Variants in SERPINF1 observed in about 807,000 individuals in gnomAD.
SERPINF1 encodes the protein pigment epithelium-derived factor.
SERPINF1 carries 29 observed loss-of-function variants against 37.3 expected under a neutral mutation model. That is an observed-to-expected ratio of 0.78 (90% CI 0.58 to 1.06). The LOEUF is 1.06. Among genes scored for constraint, SERPINF1 ranks in the 50% least tolerant of loss-of-function variants. The probability of loss-of-function intolerance (pLI) is 0.00; values close to 1 mark genes in which losing one functional copy is unlikely to be tolerated. For missense variants in SERPINF1, 553 were observed against 532.2 expected, an observed-to-expected ratio of 1.04 and a Z score of -0.38; for synonymous variants, 281 against 227.9, an observed-to-expected ratio of 1.23 and a Z score of -2.10.
At position 1,767,005 on chromosome 17, in the gene SERPINF1, A is replaced by G. The variant is rs746346079; in HGVS notation, c.84+11A>G. ...AGCCCCCCGGAGGAGGTCAGTAGGC[A>G]GGCGGGGAGGGCGTGGTCAGCATTC... On this transcript the variant is annotated intron_variant, in intron 2 of 7. Transcript: ENST00000254722. 6.5e-7 allele frequency: 1 copy of G among 1,549,386 alleles called. No individual in the cohort carries two copies. Among genetic ancestry groups the G allele is most frequent in the South Asian group, 1.2e-5 (1 of 83,946 alleles).
Position 1,776,579 on chromosome 17 carries a change from G to GC in SERPINF1, c.838dup (p.Leu280ProfsTer21). 1 of 1,613,924 alleles carries GC rather than the reference G, an allele frequency of 6.2e-7. No homozygotes were observed. The highest frequency in any genetic ancestry group is 2.2e-5 in the East Asian group (1 of 44,848). ...GAAGCATGAGTATCATCTTCTTCCTGCCCCTGAAAGTGACCCAGAATTTGA... is the reference window on the plus strand; with the variant it reads ...GAAGCATGAGTATCATCTTCTTCCTGCCCCCTGAAAGTGACCCAGAATTTGA... On this transcript the variant is annotated frameshift_variant, in exon 7 of 8. Coordinates refer to ENST00000254722, the MANE Select transcript of SERPINF1 (RefSeq NM_002615.7). LOFTEE classifies it high-confidence loss of function.
chr17:1,772,614 A>T (rs1392291202), intron 5 of SERPINF1, among the ~76,000 whole-genome samples: 1 of 148,952 alleles, frequency 6.7e-6, no homozygotes, highest in Non-Finnish European at 1.5e-5. Flanking sequence ...GCTGGAGTGC[A>T]GTGGCGCGAT....
intron 1 of SERPINF1, among the ~76,000 whole-genome samples, chr17:1,763,944 C>A (rs1907226830): frequency 6.6e-6 from 1 of 152,272 alleles, no homozygotes; most frequent in Admixed American, 6.5e-5. Flanking sequence ...ACTCCTGGCA[C>A]TTTGGGATGC....
intron 6 of SERPINF1, 102 bp downstream of exon 6, chr17:1,775,302 T>C: frequency 8.2e-7 from 1 of 1,220,306 alleles, no homozygotes; most frequent in Admixed American, 2.1e-5. Context: ...CCGACAGCTG[T>C]CTACATGTCG....
intron 1 of SERPINF1, among the ~76,000 whole-genome samples, chr17:1,764,297 C>T (rs911899320): frequency 9.2e-5 from 14 of 152,256 alleles, no homozygotes; most frequent in African/African-American, 3.4e-4. Flanking sequence ...GTGTACCTCA[C>T]TGAATTTTTG....
chr17:1,764,602 A>G (rs1480644565), intron 1 of SERPINF1, among the ~76,000 whole-genome samples: 1 of 152,258 alleles, frequency 6.6e-6, no homozygotes. Context: ...GAGTAAACTC[A>G]AAGGCAATCT....
intron 6 of SERPINF1, among the ~76,000 whole-genome samples, chr17:1,775,732 C>A (rs1356405788): frequency 1.3e-5 from 2 of 152,132 alleles, no homozygotes; most frequent in Non-Finnish European, 2.9e-5. Flanking sequence ...CGGGGTTTCT[C>A]CATGTTGGTC....
intron 6 of SERPINF1, 68 bp downstream of exon 6, chr17:1,775,268 T>G (rs941976752): frequency 6.6e-7 from 1 of 1,525,468 alleles, no homozygotes; most frequent in Non-Finnish European, 9.0e-7. Flanking sequence ...AACAGGGTAG[T>G]GGGAATAAAA....
intron 2 of SERPINF1, among the ~76,000 whole-genome samples, chr17:1,769,267 G>A (rs1907571949): frequency 6.6e-6 from 1 of 152,036 alleles, no homozygotes; most frequent in African/African-American, 2.4e-5. Context: ...AAATTACCCA[G>A]GCATGGTGGT....
At chr17:1,766,447 T>G (rs142938734) in intron 1 of SERPINF1, 1 of 152,056 alleles carries the variant, frequency 6.6e-6, no homozygotes. Flanking sequence ...TTCCAGCTAC[T>G]TGGGAGGCTG....
At chr17:1,767,069 G>T in intron 2 of SERPINF1, 75 bp downstream of exon 2, 1 of 1,335,964 alleles carries the variant, frequency 7.5e-7, no homozygotes, top group Non-Finnish European at 1.0e-6. Flanking sequence ...AAACAGGACA[G>T]GGAACCCGGA....
chr17:1,775,189 C>A lies in SERPINF1; in HGVS notation c.775C>A (p.Leu259Ile), dbSNP rs1907954902. Residue 259 changes from leucine to isoleucine, a missense_variant, in exon 6 of 8, where the codon CTC (leucine) becomes ATC (isoleucine). Coordinates refer to ENST00000254722, the MANE Select transcript of SERPINF1 (RefSeq NM_002615.7). ...AVLRYGLDSD[L>I]SCKIAQLPLT... ...TTTACGCTATGGCTTGGATTCAGATCTCAGCTGCAAGGTCTGTAGGGATAG... is the reference window on the plus strand; with the variant it reads ...TTTACGCTATGGCTTGGATTCAGATATCAGCTGCAAGGTCTGTAGGGATAG... The A allele has an allele frequency of 2.5e-6, 4 of 1,613,076 alleles. No individual in the cohort carries two copies. In the South Asian group the frequency reaches 4.4e-5, roughly 18 times the overall value.
chr17:1,771,921 G>T lies in SERPINF1; in HGVS notation c.489G>T (p.Gly163=). The stretch of plus-strand genomic sequence containing the variant: ...TGGCACCTCTGGAAAAGTCATATGG[G>T]ACCAGGCCCAGAGTCCTGACGGGCA... The part of the protein sequence containing the change: ...SFVAPLEKSY[G]TRPRVLTGNP... Residue 163 remains glycine (G), a synonymous_variant, in exon 5 of 8, where the codon GGG becomes GGT. Coordinates refer to ENST00000254722, the MANE Select transcript of SERPINF1 (RefSeq NM_002615.7). 6.2e-7 allele frequency: 1 copy of T among 1,613,960 alleles called. No homozygotes were observed. Among genetic ancestry groups the T allele is most frequent in the Non-Finnish European group, 8.5e-7 (1 of 1,180,024 alleles).
rs1907692236 is a variant in SERPINF1 at position 1,771,052 on chromosome 17, A to C, written c.307A>C (p.Ile103Leu). 1 of 1,613,956 alleles carries C rather than the reference A, an allele frequency of 6.2e-7. No homozygotes were observed. Among genetic ancestry groups the C allele is most frequent in the African/African-American group, 1.3e-5 (1 of 74,916 alleles). The change falls in exon 4 of 8, where the codon ATC becomes CTC. Residue 103 changes from isoleucine to leucine, a missense_variant. Transcript: ENST00000254722. ...SLGAEQRTESIIHRALYYDLI... is the reference protein window; with the variant it reads ...SLGAEQRTESLIHRALYYDLI... ...AGGAGCGGAGCAGCGAACAGAATCC[A>C]TCATTCACCGGGCTCTCTACTATGA...
At chr17:1,765,370 C>T (rs994830903) in intron 1 of SERPINF1, among the ~76,000 whole-genome samples, 3 of 151,792 alleles carry the variant, frequency 2.0e-5, no homozygotes, top group Non-Finnish European at 2.9e-5. Flanking sequence ...GTTGCCCAGG[C>T]TGGAGTGCAG....
In SERPINF1 at chr17:1,767,102, G is replaced by A. The variant is rs1907435057; in HGVS notation, c.84+108G>A. 6.4e-6 allele frequency: 6 copies of A among 941,884 alleles called. No homozygotes were observed. In the South Asian group the frequency reaches 9.9e-5, roughly 16 times the overall value. The allele number at this position is 941,884 out of a possible 1,614,324, so 58.3% of individuals were successfully genotyped here. A position where few individuals can be genotyped will look rare whatever the true frequency, so the allele number is the denominator to read the frequency against. On this transcript the variant is annotated intron_variant, in intron 2 of 7. Coordinates refer to ENST00000254722, the MANE Select transcript of SERPINF1 (RefSeq NM_002615.7). Reference sequence around the variant, plus strand: ...GGACCCAGGTTCCAGGCCAGGCTTGGGCCTTTATTTCTCTAGGGCTGGAGT... The same window carrying A: ...GGACCCAGGTTCCAGGCCAGGCTTGAGCCTTTATTTCTCTAGGGCTGGAGT...
At chr17:1,768,944 T>G (rs1907553447) in intron 2 of SERPINF1, among the ~76,000 whole-genome samples, 1 of 151,934 alleles carries the variant, frequency 6.6e-6, no homozygotes. Context: ...TAGCTGGGAT[T>G]ACAGGCATGC....
At position 1,777,204 on chromosome 17, in the gene SERPINF1, G is replaced by GATTC; in HGVS notation, c.1017_1020dup (p.Pro341PhefsTer5). 6.2e-7 allele frequency: 1 copy of GATTC among 1,614,096 alleles called. No homozygotes were observed. ...CTCTACAGAGCTGCAATCCTTGTTT[G>GATTC]ATTCACCAGACTTTAGCAAGATCAC... On this transcript the variant is annotated frameshift_variant, in exon 8 of 8. Transcript: ENST00000254722. LOFTEE classifies it high-confidence loss of function.
At chr17:1,768,430 C>CAAAAAAAAAAAAAA (rs71150813) in intron 2 of SERPINF1, among the ~76,000 whole-genome samples, 2 of 91,800 alleles carry the variant, frequency 2.2e-5, no homozygotes, top group African/African-American at 7.2e-5. Flanking sequence ...GACTCCGTCT[C>CAAAAAAAAAAAAAA]AAAAAAAAAA....
Sources: gnomAD v4.1 joint callset for allele counts (sites outside exome capture counted in the v4.1 genomes callset) on GRCh38, gnomAD v4.1.1 for gene constraint, MANE v1.5 for transcripts, NCBI Gene and HGNC (gene_info 2026-07-23, HGNC 2026-07-21) for gene names.